ARHGEF26: variants seen among roughly 807,000 people sequenced by gnomAD.
ARHGEF26 encodes Rho guanine nucleotide exchange factor 26.
In ARHGEF26, 59 loss-of-function variants were observed where a neutral mutation model predicts 89.4. That is an observed-to-expected ratio of 0.66 (90% CI 0.54 to 0.82). The LOEUF (loss-of-function observed/expected upper bound fraction) is 0.82, where lower values mean the gene tolerates loss of function less well. ARHGEF26 is among the 40% of genes least tolerant of loss of function. The pLI is 0.00. For missense variants in ARHGEF26, 1,234 were observed against 1,085.6 expected (o/e 1.14, Z -1.92); for synonymous variants, 500 against 428.4 (o/e 1.17, Z -2.06).
chr3:154,179,306 A>T (rs1713035513), intron 6 of ARHGEF26, among the ~76,000 whole-genome samples: 1 of 152,200 alleles, frequency 6.6e-6, no homozygotes, highest in Non-Finnish European at 1.5e-5. Flanking sequence ...GGCTGGGCAC[A>T]ATCTGAGTGT....
chr3:154,228,260 C>T (rs1716612416), intron 11 of ARHGEF26, among the ~76,000 whole-genome samples: 1 of 151,610 alleles, frequency 6.6e-6, no homozygotes, highest in African/African-American at 2.4e-5. Context: ...GCCTCAGCCT[C>T]CTGAGTAGCT....
At chr3:154,197,574 A>G (rs1427064657) in intron 9 of ARHGEF26, among the ~76,000 whole-genome samples, 1 of 152,164 alleles carries the variant, frequency 6.6e-6, no homozygotes, top group Non-Finnish European at 1.5e-5. Context: ...AAAGAGTCAT[A>G]CCATTTTGGT....
chr3:154,138,008 T>G (rs1719122033), intron 4 of ARHGEF26, among the ~76,000 whole-genome samples: 1 of 152,218 alleles, frequency 6.6e-6, no homozygotes, highest in Admixed American at 6.5e-5. Context: ...CCCATATTTA[T>G]GTAAATATAC....
intron 12 of ARHGEF26, among the ~76,000 whole-genome samples, chr3:154,250,429 C>T (rs1718071113): frequency 6.6e-6 from 1 of 152,142 alleles, no homozygotes; most frequent in South Asian, 2.1e-4. Context: ...AAAAGCTGCT[C>T]CTTTTAGTGA....
At chr3:154,242,283 G>A (rs182581687) in intron 12 of ARHGEF26, among the ~76,000 whole-genome samples, 32 of 152,292 alleles carry the variant, frequency 2.1e-4, no homozygotes, top group Non-Finnish European at 3.7e-4. Flanking sequence ...ATTCACCATC[G>A]TAGATGTCAT....
intron 6 of ARHGEF26, chr3:154,187,276 T>C (rs1019095769): frequency 1.8e-5 from 16 of 901,552 alleles, no homozygotes; most frequent in Non-Finnish European, 2.1e-5. Context: ...TTCACTCCCC[T>C]TCCCATAAAG....
At position 154,240,398 on chromosome 3, in the gene ARHGEF26, T is replaced by G. The variant is rs528765217; in HGVS notation, c.2119T>G (p.Ser707Ala). ...SEESYNVNDY[S>A]LRDQLLVESC... ...AGAAAGTTACAACGTCAATGATTAT[T>G]CCTTAAGAGATCAGCTATTGGTGGA... The change falls in exon 12 of 15, where the codon TCC becomes GCC. Residue 707 changes from serine (S) to alanine (A), a missense_variant. Transcript: ENST00000465093. 20 of 1,613,174 alleles carry G rather than the reference T, an allele frequency of 1.2e-5. No individual in the cohort carries two copies. The South Asian group carries it at 2.2e-4, about 18-fold the overall frequency.
At chr3:154,217,807 G>C in intron 9 of ARHGEF26, 62 bp from the exon 10 acceptor site, 1 of 1,286,712 alleles carries the variant, frequency 7.8e-7, no homozygotes, top group South Asian at 1.3e-5. Flanking sequence ...TGAGAGTTCT[G>C]CTTTTGAAAG....
At position 154,147,097 on chromosome 3, in the gene ARHGEF26, G is replaced by T. The variant is rs538048792; in HGVS notation, c.1270-2292G>T. Among the ~76,000 whole-genome samples the T allele has an allele frequency of 3.9e-4, 60 of 152,292 alleles. 1 individual carries two copies. The highest frequency in any genetic ancestry group is 6.2e-4 in the Non-Finnish European group (42 of 68,024). On this transcript the variant is annotated intron_variant, in intron 4 of 14. Coordinates refer to ENST00000465093, the MANE Select transcript of ARHGEF26 (RefSeq NM_015595.4). ...TCCCATTTGTACCCAGCTGAAGCTG[G>T]TATGAAATGTATATTTTAAAAATGA...
chr3:154,249,725 G>T (rs1251341332), intron 12 of ARHGEF26, among the ~76,000 whole-genome samples: 2 of 152,196 alleles, frequency 1.3e-5, no homozygotes, highest in Non-Finnish European at 2.9e-5. Flanking sequence ...GGTAAGGCGA[G>T]TCTTCAAAGT....
At chr3:154,126,182 TTGA>T (rs1718319794) in intron 3 of ARHGEF26, among the ~76,000 whole-genome samples, 1 of 152,220 alleles carries the variant, frequency 6.6e-6, no homozygotes. Context: ...CAGTAAAATC[TTGA>T]ATAGACTCCA....
intron 14 of ARHGEF26, 100 bp downstream of exon 14, chr3:154,254,924 T>G (rs1487932492): frequency 1.1e-6 from 1 of 952,262 alleles, no homozygotes; most frequent in Non-Finnish European, 1.6e-6. Flanking sequence ...ATTCCAAATC[T>G]TGACATGTTA....
chr3:154,209,290 T>A (rs1408137893), intron 9 of ARHGEF26, among the ~76,000 whole-genome samples: 1 of 152,182 alleles, frequency 6.6e-6, no homozygotes, highest in African/African-American at 2.4e-5. Context: ...TTTGGTGAAG[T>A]CATGTTTTCC....
intron 6 of ARHGEF26, 75 bp downstream of exon 6, chr3:154,153,007 A>C: frequency 7.8e-7 from 1 of 1,275,978 alleles, no homozygotes; most frequent in African/African-American, 1.5e-5. Flanking sequence ...TCTCTAAAGG[A>C]AGGCATTTCT....
intron 6 of ARHGEF26, among the ~76,000 whole-genome samples, chr3:154,177,693 T>C (rs1313179726): frequency 6.6e-6 from 1 of 152,168 alleles, no homozygotes; most frequent in Non-Finnish European, 1.5e-5. Context: ...AGCAAATAAC[T>C]GGGCCCTGGG....
intron 10 of ARHGEF26, among the ~76,000 whole-genome samples, chr3:154,223,673 G>T (rs1198779423): frequency 6.6e-6 from 1 of 152,170 alleles, no homozygotes. Context: ...ATTAGTGGTT[G>T]CCAGATGCTT....
chr3:154,168,807 A>G (rs1026208589), intron 6 of ARHGEF26, among the ~76,000 whole-genome samples: 1 of 151,972 alleles, frequency 6.6e-6, no homozygotes. Context: ...TGCTGACTGT[A>G]TATGCGATTC....
In ARHGEF26 at chr3:154,194,650, T is replaced by A. The variant is rs572785867; in HGVS notation, c.1777T>A (p.Cys593Ser). Residue 593 changes from cysteine (C) to serine (S), a missense_variant, in exon 9 of 15, where the codon TGT (cysteine) becomes AGT (serine). Physicochemically the swap from Cys to Ser is moderately radical, Grantham distance 112 (BLOSUM62 -1). Coordinates refer to ENST00000465093, the MANE Select transcript of ARHGEF26 (RefSeq NM_015595.4). Reference sequence around the variant, plus strand: ...CACTTTTATTTCATTACAGACTATCTGTCAAAAAACACCTAAGGACTCTCC... The same window carrying A: ...CACTTTTATTTCATTACAGACTATCAGTCAAAAAACACCTAAGGACTCTCC... ...TRLPLLMDTI[C>S]QKTPKDSPKY... 2 of 1,610,452 alleles carry A rather than the reference T, an allele frequency of 1.2e-6. No individual in the cohort carries two copies. Among genetic ancestry groups the A allele is most frequent in the Admixed American group, 3.4e-5 (2 of 59,580 alleles).
Position 154,257,031 on chromosome 3 carries a change from CA to C in ARHGEF26, c.*1561del. The C allele has an allele frequency of 6.9e-7, 1 of 1,457,494 alleles. No homozygotes were observed. Among genetic ancestry groups the C allele is most frequent in the Non-Finnish European group, 9.0e-7 (1 of 1,111,384 alleles). The allele number at this position is 1,457,494 out of a possible 1,614,324, so 90.3% of individuals were successfully genotyped here. The stretch of plus-strand genomic sequence containing the variant: ...GCAAAGTGTACATTATTGGAGGACT[CA>C]AATCTGTATGTGACATGTCCCAACT... On this transcript the variant is annotated 3_prime_UTR_variant, in exon 15 of 15. Coordinates refer to ENST00000465093, the MANE Select transcript of ARHGEF26 (RefSeq NM_015595.4).
Sources: gnomAD v4.1 joint callset for allele counts (sites outside exome capture counted in the v4.1 genomes callset) on GRCh38, gnomAD v4.1.1 for gene constraint, MANE v1.5 for transcripts, NCBI Gene and HGNC (gene_info 2026-07-23, HGNC 2026-07-21) for gene names.